HTT: variants seen among roughly 807,000 people sequenced by gnomAD.
HTT encodes the protein huntington disease protein.
In HTT, 104 loss-of-function variants were observed where a neutral mutation model predicts 362.3. The ratio of observed to expected loss-of-function variants is 0.29; its 90% CI spans 0.24 to 0.34. The LOEUF is 0.34. Among genes scored for constraint, HTT ranks in the 10% least tolerant of loss-of-function variants. HTT has a pLI of 1.00. For missense variants in HTT, 3,301 were observed against 3,928.6 expected (o/e 0.84, Z 4.27); for synonymous variants, 1,577 against 1,548.7 (o/e 1.02, Z -0.43).
intron 41 of HTT, among the ~76,000 whole-genome samples, chr4:3,203,427 A>G (rs1198635438): frequency 6.6e-6 from 1 of 152,242 alleles, no homozygotes; most frequent in Non-Finnish European, 1.5e-5. Context: ...ACTAGAGCCA[A>G]GAGTCTCAAG....
In HTT at chr4:3,127,355, G is replaced by C; in HGVS notation, c.1494G>C (p.Gln498His). Residue 498 changes from glutamine to histidine, a missense_variant, in exon 12 of 67, where the codon CAG becomes CAC. By Grantham distance (24) the Gln-to-His change is conservative. Coordinates refer to ENST00000355072, the MANE Select transcript of HTT (RefSeq NM_001388492.1). ...GSAGHDIITE[Q>H]PRSQHTLQAD... ...CAGGTCATGACATCATCACAGAACA[G>C]CCACGGTCACAGCACACACTGCAGG... 1 of 1,614,206 alleles carries C rather than the reference G, an allele frequency of 6.2e-7. No homozygotes were observed. Among genetic ancestry groups the C allele is most frequent in the Non-Finnish European group, 8.5e-7 (1 of 1,180,022 alleles).
rs1237778743 is a variant in HTT at position 3,132,921 on chromosome 4, A to G, written c.2493+10A>G. 1.3e-6 allele frequency: 2 copies of G among 1,575,376 alleles called. No individual in the cohort carries two copies. The highest frequency in any genetic ancestry group is 1.7e-6 in the Non-Finnish European group (2 of 1,144,852). The stretch of plus-strand genomic sequence containing the variant: ...TTGTACAGCTGTGAGGGTGAGCATA[A>G]TCTTCTGTGGAACCATTTCTTCACT... On this transcript the variant is annotated intron_variant, in intron 18 of 66. Coordinates refer to ENST00000355072, the MANE Select transcript of HTT (RefSeq NM_001388492.1).
intron 2 of HTT, among the ~76,000 whole-genome samples, chr4:3,087,624 G>C (rs986317040): frequency 6.6e-6 from 1 of 152,122 alleles, no homozygotes; most frequent in African/African-American, 2.4e-5. Flanking sequence ...AATATATTTA[G>C]GCCTGTTTCC....
chr4:3,140,699 C>T, intron 22 of HTT, 43 bp downstream of exon 22: 1 of 1,581,742 alleles, frequency 6.3e-7, no homozygotes, highest in Non-Finnish European at 8.6e-7. Flanking sequence ...GGGAAAATGC[C>T]CTTTCCTGAT....
chr4:3,103,441 G>T (rs1210403938), intron 3 of HTT, among the ~76,000 whole-genome samples: 1 of 151,744 alleles, frequency 6.6e-6, no homozygotes, highest in Admixed American at 6.6e-5. Flanking sequence ...GGTCAGGCTG[G>T]TCTTGAACTC....
At chr4:3,134,850 C>T (rs1206982487) in intron 19 of HTT, among the ~76,000 whole-genome samples, 3 of 152,126 alleles carry the variant, frequency 2.0e-5, no homozygotes, top group Non-Finnish European at 4.4e-5. Flanking sequence ...CTGCCTCAGC[C>T]TCCCGATTAG....
intron 26 of HTT, among the ~76,000 whole-genome samples, chr4:3,152,398 A>G (rs569934155): frequency 6.6e-6 from 1 of 152,144 alleles, no homozygotes; most frequent in African/African-American, 2.4e-5. Context: ...GCTCCCAGCC[A>G]GGAAACAGCA....
chr4:3,217,651 TCTAAGTG>T, intron 51 of HTT, 107 bp from the exon 52 acceptor site: 1 of 869,282 alleles, frequency 1.2e-6, no homozygotes. Context: ...CAACTCAGAG[TCTAAGTG>T]GATTCCACAG....
Position 3,136,928 on chromosome 4 carries a change from T to A in HTT, c.2798+602T>A, listed in dbSNP as rs1026878408. Among the ~76,000 whole-genome samples the A allele has an allele frequency of 5.3e-5, 8 of 151,884 alleles. 1 individual carries two copies. The highest frequency in any genetic ancestry group is 6.3e-3 in the Middle Eastern group (2 of 316). ...AGGCCCGGCTTTGAATTTTTTTTTT[T>A]ATTTTTTTTTTGAGACAGAGTCCTG... On this transcript the variant is annotated intron_variant, in intron 21 of 66. Coordinates refer to ENST00000355072, the MANE Select transcript of HTT (RefSeq NM_001388492.1).
chr4:3,088,128 C>A (rs544919152), intron 2 of HTT, among the ~76,000 whole-genome samples: 2 of 151,656 alleles, frequency 1.3e-5, no homozygotes, highest in East Asian at 3.9e-4. Context: ...TGAGCCAGGG[C>A]GCCCGGTGAT....
At chr4:3,192,448 C>T (rs1396057603) in intron 40 of HTT, among the ~76,000 whole-genome samples, 2 of 152,178 alleles carry the variant, frequency 1.3e-5, no homozygotes, top group Admixed American at 1.3e-4. Context: ...TGACCTCTAG[C>T]AGGCTGTGTT....
chr4:3,094,829 C>T (rs1280538313), intron 2 of HTT, among the ~76,000 whole-genome samples: 2 of 146,626 alleles, frequency 1.4e-5, no homozygotes, highest in African/African-American at 2.5e-5. Context: ...TGGTCAGAGA[C>T]GCTCCTCACC....
chr4:3,233,411 G>A, intron 61 of HTT, 58 bp downstream of exon 61: 2 of 1,501,760 alleles, frequency 1.3e-6, no homozygotes, highest in Admixed American at 1.7e-5. Flanking sequence ...TGTGAAGGAA[G>A]CAGCATCACC....
chr4:3,156,093 C>G (rs566580992), intron 27 of HTT, among the ~76,000 whole-genome samples: 1 of 152,108 alleles, frequency 6.6e-6, no homozygotes, highest in Non-Finnish European at 1.5e-5. Flanking sequence ...TTCCTCCTGT[C>G]TATAAATGAA....
intron 50 of HTT, 76 bp from the exon 51 acceptor site, chr4:3,215,034 C>G (rs1294926700): frequency 1.6e-6 from 2 of 1,236,594 alleles, no homozygotes; most frequent in Middle Eastern, 2.3e-4. Flanking sequence ...TGAGGCTGCA[C>G]AAATGTAAAA....
At chr4:3,111,683 C>T (rs1387092612) in intron 6 of HTT, among the ~76,000 whole-genome samples, 1 of 152,268 alleles carries the variant, frequency 6.6e-6, no homozygotes. Context: ...GTGTGCATCT[C>T]ACGTCTGTCC....
At chr4:3,237,692 G>A (rs1578619660) in intron 64 of HTT, among the ~76,000 whole-genome samples, 1 of 152,180 alleles carries the variant, frequency 6.6e-6, no homozygotes, top group East Asian at 1.9e-4. Context: ...AGAGCCAGGA[G>A]CACCTGTGAG....
intron 40 of HTT, among the ~76,000 whole-genome samples, chr4:3,193,820 T>G (rs1211637459): frequency 1.3e-5 from 2 of 152,186 alleles, no homozygotes; most frequent in Non-Finnish European, 1.5e-5. Flanking sequence ...ACAGTGCAGG[T>G]CTGTTGAGAA....
intron 28 of HTT, among the ~76,000 whole-genome samples, 155 bp from the exon 29 acceptor site, chr4:3,160,127 T>TG (rs1717364002): frequency 6.6e-6 from 1 of 152,248 alleles, no homozygotes; most frequent in East Asian, 1.9e-4. Context: ...TTTCCAGTGC[T>TG]GACAACAAAC....
Sources: gnomAD v4.1 joint callset for allele counts (sites outside exome capture counted in the v4.1 genomes callset) on GRCh38, gnomAD v4.1.1 for gene constraint, MANE v1.5 for transcripts, NCBI Gene and HGNC (gene_info 2026-07-23, HGNC 2026-07-21) for gene names.